Variants in SLC71A2 observed in about 807,000 individuals in gnomAD.
SLC71A2 encodes hippocampus abundant transcript-like 1.
At chr9:94,419,944 ATAGT>A in the SLC71A2 span, among the ~76,000 whole-genome samples, 1 of 152,164 alleles carries the variant, frequency 6.6e-6, no homozygotes, top group South Asian at 2.1e-4. Flanking sequence ...GTAAGAGATT[ATAGT>A]TAAACACCTC....
chr9:94,378,726 T>C, the SLC71A2 span, among the ~76,000 whole-genome samples: 1 of 152,148 alleles, frequency 6.6e-6, no homozygotes, highest in African/African-American at 2.4e-5. Context: ...CCCAAACAGC[T>C]GCCACTAGAC....
chr9:94,459,015 G>T, the SLC71A2 span: 1 of 866,542 alleles, frequency 1.2e-6, no homozygotes, highest in South Asian at 1.7e-5. Flanking sequence ...CTCTAGTGGA[G>T]TTTGCCTTGA....
the SLC71A2 span, among the ~76,000 whole-genome samples, chr9:94,455,155 CCTT>C: frequency 3.2e-5 from 2 of 61,896 alleles, no homozygotes; most frequent in South Asian, 9.9e-4. Context: ...CTTGCTCTTT[CCTT>C]TTTTTTTTTT....
chr9:94,437,874 A>G, the SLC71A2 span, among the ~76,000 whole-genome samples: 2 of 145,098 alleles, frequency 1.4e-5, no homozygotes, highest in Admixed American at 1.4e-4. Context: ...AAGCTTTTTT[A>G]CTTCTTCCTT....
chr9:94,384,478 T>C, the SLC71A2 span, among the ~76,000 whole-genome samples: 90 of 151,774 alleles, frequency 5.9e-4, 1 homozygote, highest in South Asian at 0.018. Context: ...TAGCTGAGAG[T>C]ACAGGCGCGC....
At chr9:94,459,592 A>G in the SLC71A2 span, 3 of 560,940 alleles carry the variant, frequency 5.3e-6, no homozygotes, top group Middle Eastern at 4.8e-4. Context: ...TTTCTCTTAC[A>G]TTCTTTTTTT....
the SLC71A2 span, among the ~76,000 whole-genome samples, chr9:94,442,619 G>A: frequency 0.023 from 3,432 of 152,250 alleles, 133 homozygotes; most frequent in African/African-American, 0.078. Flanking sequence ...GAGAGGCTGA[G>A]GTGGGGGCGG....
At chr9:94,400,534 T>C in the SLC71A2 span, among the ~76,000 whole-genome samples, 1 of 149,136 alleles carries the variant, frequency 6.7e-6, no homozygotes, top group Non-Finnish European at 1.5e-5. Flanking sequence ...ACTGATAATA[T>C]TTGTTGCCTA....
At chr9:94,404,175 G>C in the SLC71A2 span, among the ~76,000 whole-genome samples, 2 of 152,336 alleles carry the variant, frequency 1.3e-5, no homozygotes, top group East Asian at 3.9e-4. Context: ...CAAGTATCCT[G>C]TTATAGCAGC....
At chr9:94,431,405 A>C in the SLC71A2 span, among the ~76,000 whole-genome samples, 2 of 151,790 alleles carry the variant, frequency 1.3e-5, no homozygotes, top group Admixed American at 1.3e-4. Context: ...TTCATATAAT[A>C]AATAATGTTA....
chr9:94,426,671 A>G, the SLC71A2 span, among the ~76,000 whole-genome samples: 1 of 152,192 alleles, frequency 6.6e-6, no homozygotes, highest in Non-Finnish European at 1.5e-5. Context: ...TTCATTTCTT[A>G]AAACTTTATA....
chr9:94,382,930 T>A, the SLC71A2 span, among the ~76,000 whole-genome samples: 3 of 152,176 alleles, frequency 2.0e-5, no homozygotes, highest in Non-Finnish European at 4.4e-5. Flanking sequence ...CCTGACCTCG[T>A]GATCCACCTG....
chr9:94,386,844 T>C, the SLC71A2 span, among the ~76,000 whole-genome samples: 2 of 152,246 alleles, frequency 1.3e-5, no homozygotes, highest in African/African-American at 4.8e-5. Flanking sequence ...TAATTTTGAT[T>C]ACTGTTAACT....
At chr9:94,398,296 G>A in the SLC71A2 span, among the ~76,000 whole-genome samples, 10 of 150,458 alleles carry the variant, frequency 6.6e-5, no homozygotes, top group Non-Finnish European at 8.8e-5. Context: ...GCCCAATAAT[G>A]AGATGCAGAT....
chr9:94,420,057 C>T, the SLC71A2 span, among the ~76,000 whole-genome samples: 1 of 152,090 alleles, frequency 6.6e-6, no homozygotes, highest in Non-Finnish European at 1.5e-5. Context: ...GGCTTTTGTT[C>T]TCTGCCAGAT....
chr9:94,379,964 AT>A, the SLC71A2 span, among the ~76,000 whole-genome samples: 1 of 152,150 alleles, frequency 6.6e-6, no homozygotes, highest in Non-Finnish European at 1.5e-5. Flanking sequence ...CTATGGAAGC[AT>A]TTTTGAAATT....
chr9:94,430,374 C>G, the SLC71A2 span, among the ~76,000 whole-genome samples: 4 of 152,024 alleles, frequency 2.6e-5, no homozygotes, highest in Non-Finnish European at 5.9e-5. Context: ...AGGTGCCCAC[C>G]ACTACGCTCA....
At chr9:94,395,377 T>A in the SLC71A2 span, among the ~76,000 whole-genome samples, 1 of 152,028 alleles carries the variant, frequency 6.6e-6, no homozygotes, top group Admixed American at 6.6e-5. Context: ...TATTTCATTT[T>A]AAATAAGTTA....
the SLC71A2 span, among the ~76,000 whole-genome samples, chr9:94,429,560 TG>T: frequency 9.9e-5 from 15 of 152,010 alleles, no homozygotes; most frequent in Non-Finnish European, 2.2e-4. Flanking sequence ...CAGAATAAAG[TG>T]GGCAATTGCT....
Sources: gnomAD v4.1 joint callset for allele counts (sites outside exome capture counted in the v4.1 genomes callset) on GRCh38, gnomAD v4.1.1 for gene constraint, MANE v1.5 for transcripts, NCBI Gene and HGNC (gene_info 2026-07-23, HGNC 2026-07-21) for gene names.